Variants in BDP1 observed in about 807,000 individuals in gnomAD.
BDP1 encodes transcription factor TFIIIB component B'' homolog.
Under a neutral mutation model 266.6 loss-of-function variants are expected in BDP1, and 169 were observed. The ratio of observed to expected loss-of-function variants is 0.63; its 90% CI spans 0.56 to 0.72. The LOEUF (loss-of-function observed/expected upper bound fraction) is 0.72, where lower values mean the gene tolerates loss of function less well. Ranked by LOEUF, BDP1 falls within the 30% of genes least tolerant of loss-of-function variation. The pLI is 0.00. For synonymous variants in BDP1, 1,090 were observed against 1,022.4 expected (o/e 1.07, Z -1.26); for missense variants, 3,015 against 3,053.8 (o/e 0.99, Z 0.30).
In BDP1 at chr5:71,504,644, A is replaced by G. The variant is rs752512888; in HGVS notation, c.2265A>G (p.Gln755=). 2.5e-5 allele frequency: 41 copies of G among 1,613,360 alleles called. 1 individual carries two copies. In the South Asian group the frequency reaches 3.8e-4, roughly 15 times the overall value. The change falls in exon 16 of 39, where the codon CAA becomes CAG. Residue 755 remains glutamine (Q), a synonymous_variant. Coordinates refer to ENST00000358731, the MANE Select transcript of BDP1 (RefSeq NM_018429.3). The part of the protein sequence containing the change: ...DRDTPQHMED[Q]SRKDFEEEDV... ...AGACTCCTCAACACATGGAAGATCA[A>G]TCGCGTAAAGATTTTGAAGAGGAAG...
At chr5:71,533,918 T>A (rs1271593720) in intron 26 of BDP1, among the ~76,000 whole-genome samples, 1 of 152,228 alleles carries the variant, frequency 6.6e-6, no homozygotes, top group African/African-American at 2.4e-5. Flanking sequence ...TCAAATCTTT[T>A]GTCTGTTTTT....
In BDP1 at chr5:71,497,371, A is replaced by G. The variant is rs756599470; in HGVS notation, c.1901A>G (p.Gln634Arg). The stretch of plus-strand genomic sequence containing the variant: ...GCTGGGAAGAAATCAGTTCTTTCAC[A>G]AGGCAAAACAGAGTCAGAGAGCAAG... Reference protein sequence around the residue: ...SRAGKKSVLSQGKTESESKNS... With the variant: ...SRAGKKSVLSRGKTESESKNS... Residue 634 changes from glutamine to arginine, a missense_variant, in exon 13 of 39, where the codon CAA becomes CGA. By Grantham distance (43) the Gln-to-Arg change is conservative. This residue lies in a region of BDP1 where 2,383 missense variants were observed against 2,404.9 expected (regional missense o/e 0.99). Coordinates refer to ENST00000358731, the MANE Select transcript of BDP1 (RefSeq NM_018429.3). 6 of 1,613,738 alleles carry G rather than the reference A, an allele frequency of 3.7e-6. No homozygotes were observed. The highest frequency in any genetic ancestry group is 1.1e-5 in the South Asian group (1 of 91,070).
intron 34 of BDP1, among the ~76,000 whole-genome samples, chr5:71,550,073 C>A (rs952813532): frequency 1.3e-5 from 2 of 152,178 alleles, no homozygotes; most frequent in African/African-American, 4.8e-5. Context: ...TTCACTGCAT[C>A]CTCGAACTCC....
At position 71,458,574 on chromosome 5, in the gene BDP1, A is replaced by G. The variant is rs201005752; in HGVS notation, c.213-5A>G. ...GCCCTCTTTTTTCTTTTTTAATTTC[A>G]ACAGTACTGAAAAGACTGGTGGTGA... On this transcript the variant is annotated splice_polypyrimidine_tract_variant and splice_region_variant and intron_variant, in intron 1 of 38. Coordinates refer to ENST00000358731, the MANE Select transcript of BDP1 (RefSeq NM_018429.3). The G allele has an allele frequency of 1.9e-6, 3 of 1,584,918 alleles. No individual in the cohort carries two copies. Among genetic ancestry groups the G allele is most frequent in the Non-Finnish European group, 2.6e-6 (3 of 1,168,266 alleles).
rs576613876 is a variant in BDP1, at chr5:71,508,368, A to G, written c.2373-1097A>G. 5.9e-5 allele frequency among the ~76,000 whole-genome samples: 9 copies of G among 152,210 alleles called. No individual in the cohort carries two copies. The East Asian group carries it at 1.7e-3, about 29-fold the overall frequency. On this transcript the variant is annotated intron_variant, in intron 16 of 38. Transcript: ENST00000358731. Reference sequence around the variant, plus strand: ...GCCCAATCTGGAGTGCAGTGGCATGATCATGGCTTACTGCAGCCTCATCCT... The same window carrying G: ...GCCCAATCTGGAGTGCAGTGGCATGGTCATGGCTTACTGCAGCCTCATCCT...
chr5:71,513,518 T>A, intron 19 of BDP1, 111 bp downstream of exon 19: 1 of 713,468 alleles, frequency 1.4e-6, no homozygotes, highest in Non-Finnish European at 2.4e-6. Context: ...TCTGTGTAAT[T>A]TTTGCTGCAT....
At chr5:71,458,944 TGGG>T in intron 2 of BDP1, 89 bp downstream of exon 2, 2 of 1,298,704 alleles carry the variant, frequency 1.5e-6, no homozygotes, top group Non-Finnish European at 2.1e-6. Context: ...AGCATTTTGA[TGGG>T]GGAACAAAAC....
intron 7 of BDP1, among the ~76,000 whole-genome samples, chr5:71,477,948 G>T (rs1036268142): frequency 6.6e-6 from 1 of 152,052 alleles, no homozygotes; most frequent in East Asian, 1.9e-4. Context: ...TACTCTACTG[G>T]CCTTAAAAAC....
At chr5:71,533,455 T>C (rs1026871915) in intron 26 of BDP1, among the ~76,000 whole-genome samples, 3 of 150,294 alleles carry the variant, frequency 2.0e-5, no homozygotes, top group South Asian at 2.1e-4. Flanking sequence ...TCACTTTTTT[T>C]TTTGTTCGGT....
rs1225657213 is a variant in BDP1, at chr5:71,522,803, T to C, written c.5241T>C (p.Asp1747=). ...CTCTGGAGGTTTCAGCAAGAAAAGA[T>C]TGTGTAGGTTCCAAAGAGTCTGCTT... The part of the protein sequence containing the change: ...LTSLEVSARK[D]CVGSKESALA... Residue 1747 remains aspartate (D), a synonymous_variant, in exon 24 of 39, where the codon GAT becomes GAC. Transcript: ENST00000358731. 3.1e-6 allele frequency: 5 copies of C among 1,610,170 alleles called. No individual in the cohort carries two copies. The highest frequency in any genetic ancestry group is 2.5e-6 in the Non-Finnish European group (3 of 1,179,214).
intron 32 of BDP1, among the ~76,000 whole-genome samples, chr5:71,547,013 T>C (rs1470411034): frequency 6.6e-6 from 1 of 152,032 alleles, no homozygotes; most frequent in Non-Finnish European, 1.5e-5. Context: ...ACCTGACTAA[T>C]TTTTTCGTAT....
intron 26 of BDP1, among the ~76,000 whole-genome samples, chr5:71,536,320 C>CA (rs1766593940): frequency 6.6e-6 from 1 of 152,212 alleles, no homozygotes; most frequent in African/African-American, 2.4e-5. Context: ...AAAAGGCTAT[C>CA]AAGTACCAGT....
intron 13 of BDP1, among the ~76,000 whole-genome samples, chr5:71,500,316 C>CTTTTTTTTTTTTTTTTTT (rs58201517): frequency 1.4e-5 from 1 of 73,114 alleles, no homozygotes; most frequent in Non-Finnish European, 2.4e-5. Flanking sequence ...AATCTTGTTT[C>CTTTTTTTTTTTTTTTTTT]TTTTTTTTTT....
In BDP1 at chr5:71,565,030, CT is replaced by C; in HGVS notation, c.*149del. The C allele has an allele frequency of 2.8e-6, 2 of 726,376 alleles. No individual in the cohort carries two copies. The highest frequency in any genetic ancestry group is 4.3e-6 in the Non-Finnish European group (2 of 461,334). The allele number at this position is 726,376 out of a possible 1,614,324, so 45.0% of individuals were successfully genotyped here. Reference sequence around the variant, plus strand: ...AATACTTAATGAGCTTGATTTGAAGCTTTTATAATCAGTGGAAAACATTTCT... The same window carrying C: ...AATACTTAATGAGCTTGATTTGAAGCTTTATAATCAGTGGAAAACATTTCT... On this transcript the variant is annotated 3_prime_UTR_variant, in exon 39 of 39. Transcript: ENST00000358731.
At chr5:71,477,088 C>T (rs548513356) in intron 7 of BDP1, among the ~76,000 whole-genome samples, 15 of 151,744 alleles carry the variant, frequency 9.9e-5, no homozygotes, top group Non-Finnish European at 2.2e-4. Context: ...TTCAAGTGGT[C>T]TGCCTACCTC....
chr5:71,495,340 G>A lies in BDP1; in HGVS notation c.1731G>A (p.Leu577=), dbSNP rs747613780. Residue 577 remains leucine (L), a synonymous_variant, in exon 12 of 39, where the codon TTG becomes TTA. Transcript: ENST00000358731. ...CATTCGAAGTTGGAATTAGAGCATT[G>A]TGTGAGGTGAATAATGCTGAGGGTA... ...LPSFEVGIRA[L]CEVNNAEGSC... is the part of the protein sequence containing the mutation. The A allele has an allele frequency of 1.2e-6, 2 of 1,606,330 alleles. No individual in the cohort carries two copies. The highest frequency in any genetic ancestry group is 1.7e-6 in the Non-Finnish European group (2 of 1,175,520).
chr5:71,506,320 A>T (rs918175116), intron 16 of BDP1, among the ~76,000 whole-genome samples: 6 of 152,160 alleles, frequency 3.9e-5, no homozygotes, highest in Non-Finnish European at 7.3e-5. Flanking sequence ...TAGCCTTTGA[A>T]TCTCCAGAAT....
chr5:71,571,535 G>A (rs114577083), downstream of BDP1, among the ~76,000 whole-genome samples: 63 of 152,296 alleles, frequency 4.1e-4, no homozygotes, highest in African/African-American at 1.4e-3. Flanking sequence ...ATGGCTTCCT[G>A]TACATGGCTT....
In BDP1 at chr5:71,480,277, A is replaced by ATT. The variant is rs552593030; in HGVS notation, c.1015-3536_1015-3535dup. ...AGGCGCGCACCACCATGCCCAGCTA[A>ATT]TTTTTTTTTTTTTTTTTTTTTTTTT... is the stretch of plus-strand genomic sequence containing the variant. On this transcript the variant is annotated intron_variant, in intron 7 of 38. Coordinates refer to ENST00000358731, the MANE Select transcript of BDP1 (RefSeq NM_018429.3). Among the ~76,000 whole-genome samples the ATT allele has an allele frequency of 5.2e-4, 55 of 105,008 alleles. 2 individuals are homozygous for ATT. The highest frequency in any genetic ancestry group is 1.5e-3 in the African/African-American group (40 of 27,520). The allele number at this position is 105,008 out of a possible 152,430, so 68.9% of individuals were successfully genotyped here.
Sources: gnomAD v4.1 joint callset for allele counts (sites outside exome capture counted in the v4.1 genomes callset) on GRCh38, gnomAD v4.1.1 for gene constraint, gnomAD v4.1.1 regional missense constraint, MANE v1.5 for transcripts, NCBI Gene and HGNC (gene_info 2026-07-23, HGNC 2026-07-21) for gene names.